MEGF11: variants seen among roughly 807,000 people sequenced by gnomAD.
MEGF11 encodes the protein multiple epidermal growth factor-like domains protein 11.
Under a neutral mutation model 146.6 loss-of-function variants are expected in MEGF11, and 126 were observed. The observed-to-expected ratio is 0.86, with a 90% CI of 0.74 to 1.00. The LOEUF (loss-of-function observed/expected upper bound fraction) is 1.00, where lower values mean the gene tolerates loss of function less well. MEGF11 is among the 50% of genes least tolerant of loss of function. The pLI, the probability that MEGF11 is intolerant of heterozygous loss-of-function variation, is 0.00. For synonymous variants in MEGF11, 532 were observed against 583.4 expected, an observed-to-expected ratio of 0.91 and a Z score of 1.27; for missense variants, 1,509 against 1,521.2, an observed-to-expected ratio of 0.99 and a Z score of 0.13.
At chr15:66,055,020 AAAGT>A (rs144446399) in intron 5 of MEGF11, among the ~76,000 whole-genome samples, 1,569 of 152,334 alleles carry the variant, frequency 0.01, 23 homozygotes, top group Non-Finnish European at 0.014. Flanking sequence ...GGAATCTGGA[AAAGT>A]GAGTACAGAC....
intron 5 of MEGF11, among the ~76,000 whole-genome samples, chr15:66,047,700 A>C (rs190050734): frequency 4.6e-5 from 7 of 152,354 alleles, no homozygotes; most frequent in East Asian, 1.9e-4. Flanking sequence ...AGGTGAGAAC[A>C]AAAGGGGTTG....
rs192175296 is a variant in MEGF11, at chr15:65,978,604, G to A, written c.762+2174C>T. 2.0e-3 allele frequency among the ~76,000 whole-genome samples: 306 copies of A among 152,330 alleles called. 3 individuals are homozygous for A. Among genetic ancestry groups the A allele is most frequent in the South Asian group, 1.0e-3 (5 of 4,824 alleles). On this transcript the variant is annotated intron_variant, in intron 7 of 25. Coordinates refer to ENST00000395614, the MANE Select transcript of MEGF11 (RefSeq NM_001385028.1). Reference sequence around the variant, plus strand: ...GAGAGGCCTTTACAGGCAAAGGGATGCTGTGTGCTTGTTCTCCCCACCACA... The same window carrying A: ...GAGAGGCCTTTACAGGCAAAGGGATACTGTGTGCTTGTTCTCCCCACCACA...
At chr15:65,915,731 G>A in intron 18 of MEGF11, 133 bp from the exon 19 acceptor site, 2 of 1,188,810 alleles carry the variant, frequency 1.7e-6, no homozygotes, top group Non-Finnish European at 2.3e-6. Flanking sequence ...CTCCTGTTGA[G>A]GAGCATTTAT....
chr15:65,961,199 GA>G (rs1408220951), intron 9 of MEGF11, among the ~76,000 whole-genome samples: 3 of 152,132 alleles, frequency 2.0e-5, no homozygotes, highest in Non-Finnish European at 2.9e-5. Flanking sequence ...CCATTCTCTT[GA>G]GTCACATGGC....
intron 5 of MEGF11, among the ~76,000 whole-genome samples, chr15:66,042,243 G>A (rs2084014712): frequency 1.3e-5 from 2 of 151,952 alleles, no homozygotes; most frequent in Non-Finnish European, 2.9e-5. Context: ...CCAAGTAGCT[G>A]GGATTATTGA....
In MEGF11 at chr15:65,957,671, T is replaced by C; in HGVS notation, c.1163A>G (p.His388Arg). The change falls in exon 10 of 26, where the codon CAC becomes CGC. Residue 388 changes from histidine (H) to arginine (R), a missense_variant. Coordinates refer to ENST00000395614, the MANE Select transcript of MEGF11 (RefSeq NM_001385028.1). ...ACTCQPGWSG[H>R]HCNESCPVGY... ...AACAGGGCAGGATTCATTGCAGTGGTGACCAGACCAGCCTGGCTGGCAGGT... is the reference window on the plus strand; with the variant it reads ...AACAGGGCAGGATTCATTGCAGTGGCGACCAGACCAGCCTGGCTGGCAGGT... 1 of 1,613,878 alleles carries C rather than the reference T, an allele frequency of 6.2e-7. No individual in the cohort carries two copies.
At chr15:66,175,840 A>C (rs1405425376) in intron 1 of MEGF11, among the ~76,000 whole-genome samples, 1 of 152,162 alleles carries the variant, frequency 6.6e-6, no homozygotes, top group Non-Finnish European at 1.5e-5. Context: ...TCAAACTAAA[A>C]AGTTCTACAC....
intron 24 of MEGF11, chr15:65,905,805 G>A (rs187101640): frequency 7.8e-4 from 256 of 328,682 alleles, no homozygotes; most frequent in Non-Finnish European, 1.3e-3. Context: ...GGATAATGAC[G>A]CTTTACATTT....
intron 15 of MEGF11, among the ~76,000 whole-genome samples, chr15:65,919,875 C>T (rs959928099): frequency 1.3e-4 from 20 of 152,186 alleles, no homozygotes; most frequent in African/African-American, 4.3e-4. Flanking sequence ...TCCCAAAGTG[C>T]TGGGATTACA....
chr15:66,029,616 T>G (rs1416355683), intron 5 of MEGF11, among the ~76,000 whole-genome samples: 1 of 152,214 alleles, frequency 6.6e-6, no homozygotes, highest in East Asian at 1.9e-4. Flanking sequence ...GTCTTTCCCC[T>G]GAGGGGCGCA....
intron 5 of MEGF11, among the ~76,000 whole-genome samples, chr15:66,068,839 G>A (rs763630071): frequency 4.6e-5 from 7 of 152,198 alleles, no homozygotes; most frequent in Non-Finnish European, 8.8e-5. Context: ...CAATGCATGA[G>A]GCACAACAAA....
intron 24 of MEGF11, among the ~76,000 whole-genome samples, chr15:65,902,928 T>C (rs529190834): frequency 3.3e-5 from 5 of 152,296 alleles, no homozygotes; most frequent in African/African-American, 1.2e-4. Flanking sequence ...CCACCTTGGC[T>C]TCTAGGTGCA....
intron 5 of MEGF11, among the ~76,000 whole-genome samples, chr15:66,023,681 T>G (rs2083235323): frequency 6.6e-6 from 1 of 152,174 alleles, no homozygotes; most frequent in South Asian, 2.1e-4. Context: ...CCCATGAGTG[T>G]GTGCAGAAGA....
intron 24 of MEGF11, chr15:65,905,720 G>A (rs773040104): frequency 1.2e-5 from 2 of 171,854 alleles, no homozygotes; most frequent in Non-Finnish European, 2.5e-5. Context: ...CTAGTGCAAC[G>A]ACAGGAGGCC....
At chr15:66,106,674 G>A (rs894912788) in intron 4 of MEGF11, among the ~76,000 whole-genome samples, 1 of 152,066 alleles carries the variant, frequency 6.6e-6, no homozygotes, top group Admixed American at 6.5e-5. Flanking sequence ...GGTATAACAC[G>A]CCTGCACAGA....
At chr15:66,173,872 A>C (rs1036219732) in intron 1 of MEGF11, among the ~76,000 whole-genome samples, 3 of 152,192 alleles carry the variant, frequency 2.0e-5, no homozygotes, top group Non-Finnish European at 4.4e-5. Context: ...GCCACAAATC[A>C]ACAGCCCATC....
Position 66,123,907 on chromosome 15 carries a change from G to T in MEGF11, c.192C>A (p.Thr64=), listed in dbSNP as rs766626756. ...CTGAGAGAGGTACTCACCGGTGCCT[G>T]GTGCACTTGAACCAGTTGAGGATGT... ...CTDILNWFKC[T]RHRISYKTAY... is the part of the protein sequence containing the mutation. Residue 64 remains threonine, a synonymous_variant, in exon 3 of 26, where the codon ACC becomes ACA. Coordinates refer to ENST00000395614, the MANE Select transcript of MEGF11 (RefSeq NM_001385028.1). 4 of 1,613,094 alleles carry T rather than the reference G, an allele frequency of 2.5e-6. No homozygotes were observed. The highest frequency in any genetic ancestry group is 1.6e-4 in the Middle Eastern group (1 of 6,082).
At chr15:66,002,218 G>A (rs1166740117) in intron 5 of MEGF11, among the ~76,000 whole-genome samples, 1 of 152,186 alleles carries the variant, frequency 6.6e-6, no homozygotes, top group African/African-American at 2.4e-5. Flanking sequence ...AGCTCGCAGA[G>A]GATTTCAAGG....
chr15:65,942,974 CTTTTTTTTTTTTTTT>C (rs58874869), intron 10 of MEGF11, among the ~76,000 whole-genome samples: 12,785 of 48,618 alleles, frequency 0.26, 1,107 homozygotes, highest in Middle Eastern at 0.46. Context: ...AACAACTTGG[CTTTTTTTTTTTTTTT>C]TTTTTTTTTT....
Sources: gnomAD v4.1 joint callset for allele counts (sites outside exome capture counted in the v4.1 genomes callset) on GRCh38, gnomAD v4.1.1 for gene constraint, MANE v1.5 for transcripts, NCBI Gene and HGNC (gene_info 2026-07-23, HGNC 2026-07-21) for gene names.